The following ZDHHC3 variants were observed in gnomAD, a reference collection of about 807,000 sequenced individuals.
The protein encoded by ZDHHC3 is palmitoyltransferase ZDHHC3.
Under a neutral mutation model 30.6 loss-of-function variants are expected in ZDHHC3, and 9 were observed. That is an observed-to-expected ratio of 0.29 (90% confidence interval 0.18 to 0.51). The LOEUF (loss-of-function observed/expected upper bound fraction) is 0.51, where lower values mean the gene tolerates loss of function less well. Ranked by LOEUF, ZDHHC3 falls within the 20% of genes least tolerant of loss-of-function variation. The pLI, the probability that ZDHHC3 is intolerant of heterozygous loss-of-function variation, is 0.97. For synonymous variants in ZDHHC3, 136 were observed against 140.2 expected (o/e 0.97, Z 0.21); for missense variants, 246 against 384.2 (o/e 0.64, Z 3.01).
rs1700377882 is a variant in ZDHHC3 at position 44,918,656 on chromosome 3, G to A, written c.*8033C>T. 5.0e-6 allele frequency: 5 copies of A among 1,001,040 alleles called. No homozygotes were observed. The highest frequency in any genetic ancestry group is 6.0e-6 in the Non-Finnish European group (5 of 837,362). The allele number at this position is 1,001,040 out of a possible 1,614,324, so 62.0% of individuals were successfully genotyped here. A position where few individuals can be genotyped will look rare whatever the true frequency, so the allele number is the denominator to read the frequency against. On this transcript the variant is annotated 3_prime_UTR_variant, in exon 7 of 7. Coordinates refer to ENST00000424952, the MANE Select transcript of ZDHHC3 (RefSeq NM_001135179.2). ...CAAACAGCATGCGAGGTGAAGAAGC[G>A]GGTGCTCGTACAGCAAGTGCCAACA... is the stretch of plus-strand genomic sequence containing the variant.
Position 44,959,555 on chromosome 3 carries a change from T to C in ZDHHC3, c.-24-95A>G, listed in dbSNP as rs1423627137. On this transcript the variant is annotated intron_variant, in intron 1 of 6. Transcript: ENST00000424952. This position sits in a 1 kb window ranked among gnomAD's most constrained non-coding sequence, Gnocchi z 4.3. ...TCCCATAGTGAGTTGTGATTACTTA[T>C]CTGCAACCCCTGTGTGCAAAGCCAC... The C allele has an allele frequency of 2.9e-6, 3 of 1,042,674 alleles. No individual in the cohort carries two copies. The highest frequency in any genetic ancestry group is 4.2e-6 in the Non-Finnish European group (3 of 716,792). The allele number at this position is 1,042,674 out of a possible 1,614,324, so 64.6% of individuals were successfully genotyped here. A position where few individuals can be genotyped will look rare whatever the true frequency, so the allele number is the denominator to read the frequency against.
At chr3:44,975,006 C>T (rs1355139325) in intron 1 of ZDHHC3, among the ~76,000 whole-genome samples, 1 of 151,932 alleles carries the variant, frequency 6.6e-6, no homozygotes, top group Non-Finnish European at 1.5e-5. Flanking sequence ...TAGTAGGCTC[C>T]CAATAGTTAT....
Position 44,918,890 on chromosome 3 carries a change from C to T in ZDHHC3, c.*7799G>A. ...GGAGGTAAAGACATGGCCAGGCCAG[C>T]TCTCCAGGCCCACAACACCCTGCAC... On this transcript the variant is annotated 3_prime_UTR_variant, in exon 7 of 7. Transcript: ENST00000424952. 1 of 986,104 alleles carries T rather than the reference C, an allele frequency of 1.0e-6. No individual in the cohort carries two copies. The highest frequency in any genetic ancestry group is 1.2e-6 in the Non-Finnish European group (1 of 830,454). The allele number at this position is 986,104 out of a possible 1,614,324, so 61.1% of individuals were successfully genotyped here. A position where few individuals can be genotyped will look rare whatever the true frequency, so the allele number is the denominator to read the frequency against.
intron 1 of ZDHHC3, among the ~76,000 whole-genome samples, chr3:44,963,475 C>T (rs1030973870): frequency 1.4e-5 from 2 of 147,926 alleles, no homozygotes; most frequent in African/African-American, 5.0e-5. Flanking sequence ...CTTAAATTAG[C>T]CAACTGAAAA....
intron 1 of ZDHHC3, among the ~76,000 whole-genome samples, chr3:44,961,283 T>C (rs1704458968): frequency 6.6e-6 from 1 of 152,102 alleles, no homozygotes; most frequent in Non-Finnish European, 1.5e-5. Context: ...TCCCAGCTAC[T>C]GGGGAGGCTG....
chr3:44,920,473 T>C lies in ZDHHC3; in HGVS notation c.*6216A>G. 8.3e-7 allele frequency: 1 copy of C among 1,210,198 alleles called. No individual in the cohort carries two copies. Among genetic ancestry groups the C allele is most frequent in the Non-Finnish European group, 1.1e-6 (1 of 946,974 alleles). 75.0% of individuals were successfully genotyped at this position (1,210,198 alleles called of 1,614,324 possible). A position where few individuals can be genotyped will look rare whatever the true frequency, so the allele number is the denominator to read the frequency against. The stretch of plus-strand genomic sequence containing the variant: ...TGACTTGGACTCAAAGCCATGACCA[T>C]AGGTTTTTATGGCCTCCTTGTGAGG... On this transcript the variant is annotated 3_prime_UTR_variant, in exon 7 of 7. Transcript: ENST00000424952.
chr3:44,936,875 A>ACC (rs148227519), intron 3 of ZDHHC3, among the ~76,000 whole-genome samples: 10 of 138,716 alleles, frequency 7.2e-5, no homozygotes, highest in African/African-American at 2.7e-4. Context: ...AAAAGTTAAA[A>ACC]CCCCCCCCCA....
intron 1 of ZDHHC3, among the ~76,000 whole-genome samples, chr3:44,965,680 GTCACATCAAACATAA>G (rs1559721207): frequency 6.6e-6 from 1 of 152,184 alleles, no homozygotes; most frequent in African/African-American, 2.4e-5. Context: ...AAGCATGATT[GTCACATCAAACATAA>G]AGTTCTCTAC....
At chr3:44,960,462 C>G (rs539469980) in intron 1 of ZDHHC3, among the ~76,000 whole-genome samples, 1 of 152,258 alleles carries the variant, frequency 6.6e-6, no homozygotes. Flanking sequence ...CTCTTTCTCT[C>G]TAGAAGCTGC....
rs370592102 is a variant in ZDHHC3 at position 44,959,267 on chromosome 3, T to G, written c.170A>C (p.Tyr57Ser). 1 of 1,614,026 alleles carries G rather than the reference T, an allele frequency of 6.2e-7. No homozygotes were observed. Among genetic ancestry groups the G allele is most frequent in the Non-Finnish European group, 8.5e-7 (1 of 1,180,032 alleles). The change falls in exon 2 of 7, where the codon TAT (tyrosine) becomes TCT (serine). Residue 57 changes from tyrosine to serine, a missense_variant. Coordinates refer to ENST00000424952, the MANE Select transcript of ZDHHC3 (RefSeq NM_001135179.2). The surrounding 1 kb of genome is among the most constrained non-coding windows in gnomAD (Gnocchi z 4.3). ...GACAAAGAGGACCACGAACTCCGCA[T>G]AGAGGACCAGAAACCAGGTAACGAT... ...CAIVTWFLVL[Y>S]AEFVVLFVML... is the part of the protein sequence containing the mutation.
At position 44,918,114 on chromosome 3, in the gene ZDHHC3, C is replaced by A. The variant is rs1700316220; in HGVS notation, c.*8575G>T. ...GCCAGCTCCCCATGTGCTCCCTGGG[C>A]TGGTTCTTTCGTTTGAGGCGCTCGA... On this transcript the variant is annotated 3_prime_UTR_variant, in exon 7 of 7. Transcript: ENST00000424952. 2 of 1,305,224 alleles carry A rather than the reference C, an allele frequency of 1.5e-6. No homozygotes were observed. Among genetic ancestry groups the A allele is most frequent in the Non-Finnish European group, 2.0e-6 (2 of 988,822 alleles). The allele number at this position is 1,305,224 out of a possible 1,614,324, so 80.9% of individuals were successfully genotyped here. A position where few individuals can be genotyped will look rare whatever the true frequency, so the allele number is the denominator to read the frequency against.
intron 1 of ZDHHC3, among the ~76,000 whole-genome samples, chr3:44,960,305 T>C (rs1225812764): frequency 1.3e-5 from 2 of 152,208 alleles, no homozygotes; most frequent in African/African-American, 2.4e-5. Context: ...CCTCCCAGGA[T>C]TGCTGGTATG....
intron 2 of ZDHHC3, among the ~76,000 whole-genome samples, chr3:44,953,151 A>C (rs1230213158): frequency 6.6e-6 from 1 of 152,246 alleles, no homozygotes; most frequent in Non-Finnish European, 1.5e-5. Context: ...AACATGAGGT[A>C]ACAAAGGCAG....
At chr3:44,944,967 T>G (rs1702786462) in intron 3 of ZDHHC3, among the ~76,000 whole-genome samples, 1 of 152,174 alleles carries the variant, frequency 6.6e-6, no homozygotes, top group South Asian at 2.1e-4. Context: ...CAAATGCTCT[T>G]TGCAATCTAG....
In ZDHHC3 at chr3:44,922,286, T is replaced by C. The variant is rs1172677435; in HGVS notation, c.*4403A>G. 4 of 985,360 alleles carry C rather than the reference T, an allele frequency of 4.1e-6. No homozygotes were observed. The highest frequency in any genetic ancestry group is 4.8e-6 in the Non-Finnish European group (4 of 829,946). The allele number at this position is 985,360 out of a possible 1,614,324, so 61.0% of individuals were successfully genotyped here. A position where few individuals can be genotyped will look rare whatever the true frequency, so the allele number is the denominator to read the frequency against. On this transcript the variant is annotated 3_prime_UTR_variant, in exon 7 of 7. Coordinates refer to ENST00000424952, the MANE Select transcript of ZDHHC3 (RefSeq NM_001135179.2). ...CAGGCTGCTACAATGCCCCTGGCTCTAGACTACTCACCGGCCGCCGCTCCC... is the reference window on the plus strand; with the variant it reads ...CAGGCTGCTACAATGCCCCTGGCTCCAGACTACTCACCGGCCGCCGCTCCC...
At position 44,917,996 on chromosome 3, in the gene ZDHHC3, C is replaced by G; in HGVS notation, c.*8693G>C. Reference sequence around the variant, plus strand: ...AGCGATGTCACCTGCCGCACCATGTCTTTGTCACTGGGGATCTCTGGCTGA... The same window carrying G: ...AGCGATGTCACCTGCCGCACCATGTGTTTGTCACTGGGGATCTCTGGCTGA... On this transcript the variant is annotated 3_prime_UTR_variant, in exon 7 of 7. Transcript: ENST00000424952. 7.7e-7 allele frequency: 1 copy of G among 1,305,476 alleles called. No individual in the cohort carries two copies. Among genetic ancestry groups the G allele is most frequent in the Non-Finnish European group, 1.0e-6 (1 of 988,972 alleles). 80.9% of individuals were successfully genotyped at this position (1,305,476 alleles called of 1,614,324 possible).
chr3:44,941,037 C>T (rs1488430061), intron 3 of ZDHHC3, among the ~76,000 whole-genome samples: 1 of 152,124 alleles, frequency 6.6e-6, no homozygotes, highest in Non-Finnish European at 1.5e-5. Context: ...AGCTCAGAGT[C>T]GAGCTCAGAG....
At chr3:44,972,946 T>C (rs1705525943) in intron 1 of ZDHHC3, among the ~76,000 whole-genome samples, 1 of 152,230 alleles carries the variant, frequency 6.6e-6, no homozygotes, top group African/African-American at 2.4e-5. Context: ...GTACCAGATC[T>C]ATCAGCCATC....
rs530016552 is a variant in ZDHHC3, at chr3:44,921,920, G to C, written c.*4769C>G. 20 of 985,384 alleles carry C rather than the reference G, an allele frequency of 2.0e-5. No homozygotes were observed. The Admixed American group carries it at 3.1e-4, about 15-fold the overall frequency. 61.0% of individuals were successfully genotyped at this position (985,384 alleles called of 1,614,324 possible). On this transcript the variant is annotated 3_prime_UTR_variant, in exon 7 of 7. Transcript: ENST00000424952. ...GTGCGGCCCCTAGAAGGCTTTTAGC[G>C]AACGTCCCTCTGCAGCGCTTGTCCT...
Sources: gnomAD v4.1 joint callset for allele counts (sites outside exome capture counted in the v4.1 genomes callset) on GRCh38, gnomAD v4.1.1 for gene constraint, Gnocchi (gnomAD v3.1) non-coding constraint, MANE v1.5 for transcripts, NCBI Gene and HGNC (gene_info 2026-07-23, HGNC 2026-07-21) for gene names.